Variants in ARHGEF17 observed in about 807,000 individuals in gnomAD.
ARHGEF17 encodes the protein 164 kDa Rho-specific guanine-nucleotide exchange factor.
Under a neutral mutation model 174.0 loss-of-function variants are expected in ARHGEF17, and 80 were observed. The ratio of observed to expected loss-of-function variants is 0.46; its 90% CI spans 0.38 to 0.55. The LOEUF is 0.55. ARHGEF17 is among the 20% of genes least tolerant of loss of function. The probability of loss-of-function intolerance (pLI) is 0.00; values close to 1 mark genes in which losing one functional copy is unlikely to be tolerated. For missense variants in ARHGEF17, 2,886 were observed against 2,839.7 expected, an observed-to-expected ratio of 1.02 and a Z score of -0.37; for synonymous variants, 1,311 against 1,189.1, an observed-to-expected ratio of 1.10 and a Z score of -2.11.
At chr11:73,332,220 G>T (rs888324731) in intron 1 of ARHGEF17, among the ~76,000 whole-genome samples, 6 of 152,222 alleles carry the variant, frequency 3.9e-5, no homozygotes, top group African/African-American at 1.4e-4. Flanking sequence ...CTGAGGCACA[G>T]ATGTGGTCTT....
intron 1 of ARHGEF17, among the ~76,000 whole-genome samples, chr11:73,326,248 G>A (rs145954154): frequency 6.4e-4 from 97 of 152,340 alleles, no homozygotes; most frequent in African/African-American, 2.3e-3. Flanking sequence ...GCCAGACCTT[G>A]ACAGGCAGAA....
Position 73,362,590 on chromosome 11 carries a change from G to A in ARHGEF17, c.4852G>A (p.Glu1618Lys). ...CATCTCCATTGCAGGCTCGGGCTTG[G>A]AGATGACGCCGGGCCTCGGCGAGGG... is the stretch of plus-strand genomic sequence containing the variant. ...LHISIAGSGL[E>K]MTPGLGEGDP... The change falls in exon 14 of 21, where the codon GAG (glutamate) becomes AAG (lysine). Residue 1618 changes from glutamate (E) to lysine (K), a missense_variant. This residue lies in a region of ARHGEF17 where 476 missense variants were observed against 473.1 expected (regional missense o/e 1.01). Coordinates refer to ENST00000263674, the MANE Select transcript of ARHGEF17 (RefSeq NM_014786.4). 1 of 1,610,596 alleles carries A rather than the reference G, an allele frequency of 6.2e-7. No individual in the cohort carries two copies. Among genetic ancestry groups the A allele is most frequent in the Non-Finnish European group, 8.5e-7 (1 of 1,179,902 alleles).
rs372172806 is a variant in ARHGEF17 at position 73,360,484 on chromosome 11, C to G, written c.4371C>G (p.Asp1457Glu). 1.2e-6 allele frequency: 2 copies of G among 1,614,054 alleles called. No individual in the cohort carries two copies. The highest frequency in any genetic ancestry group is 4.5e-5 in the East Asian group (2 of 44,884). The change falls in exon 11 of 21, where the codon GAC (aspartate) becomes GAG (glutamate). Residue 1457 changes from aspartate (D) to glutamate (E), a missense_variant. Transcript: ENST00000263674. Reference protein sequence around the residue: ...DSYIFEFPHPDARLGFEQAFD... With the variant: ...DSYIFEFPHPEARLGFEQAFD... ...ACATTTTTGAGTTCCCTCACCCTGA[C>G]GCCCGCCTTGGTTTTGAACAGGCCT...
chr11:73,347,087 C>T lies in ARHGEF17; in HGVS notation c.3270+127C>T, dbSNP rs1337811703. On this transcript the variant is annotated intron_variant, in intron 2 of 20. Transcript: ENST00000263674. ...AGAGAGCCGTGTCCCTGGCATCCGT[C>T]GCCTTTCCATGAAGAACCCCCAGCA... 6.3e-6 allele frequency: 6 copies of T among 949,734 alleles called. No homozygotes were observed. In the East Asian group the frequency reaches 7.9e-5, roughly 12 times the overall value. 58.8% of individuals were successfully genotyped at this position (949,734 alleles called of 1,614,324 possible).
intron 14 of ARHGEF17, 58 bp downstream of exon 14, chr11:73,362,792 G>A (rs1166653845): frequency 1.3e-6 from 2 of 1,556,652 alleles, no homozygotes; most frequent in African/African-American, 2.7e-5. Context: ...ACTGCCCAGA[G>A]GAGGGGGAGA....
intron 1 of ARHGEF17, among the ~76,000 whole-genome samples, chr11:73,334,827 G>A (rs935494903): frequency 1.3e-5 from 2 of 152,128 alleles, no homozygotes; most frequent in Non-Finnish European, 2.9e-5. Flanking sequence ...GATAACTTCC[G>A]TTCCCACGAT....
chr11:73,366,119 TTGTGTG>T (rs111678539), intron 20 of ARHGEF17, among the ~76,000 whole-genome samples, 172 bp downstream of exon 20: 11 of 150,194 alleles, frequency 7.3e-5, no homozygotes, highest in South Asian at 6.3e-4. Context: ...TCTAGGATAG[TTGTGTG>T]TGTGTGTGTG....
At chr11:73,358,094 G>A (rs771183339) in intron 9 of ARHGEF17, among the ~76,000 whole-genome samples, 4 of 152,260 alleles carry the variant, frequency 2.6e-5, no homozygotes, top group Non-Finnish European at 5.9e-5. Context: ...CCAGTCAGCT[G>A]TGAGCAAGAA....
chr11:73,348,482 G>T (rs1865501203), intron 2 of ARHGEF17, among the ~76,000 whole-genome samples: 1 of 152,182 alleles, frequency 6.6e-6, no homozygotes. Context: ...GATGAGCCTG[G>T]AGGACATGAT....
chr11:73,361,299 A>G, intron 12 of ARHGEF17, 138 bp downstream of exon 12: 2 of 757,254 alleles, frequency 2.6e-6, no homozygotes, highest in East Asian at 2.7e-5. Flanking sequence ...CTCTCTGTAC[A>G]TGTGTGTGGG....
intron 1 of ARHGEF17, among the ~76,000 whole-genome samples, chr11:73,325,058 G>A (rs1208825281): frequency 1.3e-5 from 2 of 152,120 alleles, no homozygotes; most frequent in African/African-American, 4.8e-5. Flanking sequence ...GGCAGGTGAA[G>A]GGGAGACAGG....
chr11:73,359,749 G>A (rs1421866620), intron 9 of ARHGEF17, 85 bp from the exon 10 acceptor site: 11 of 1,166,292 alleles, frequency 9.4e-6, no homozygotes, highest in Non-Finnish European at 1.3e-5. Context: ...CCAGCTGCAG[G>A]CTATGCAGTG....
At chr11:73,339,494 C>T (rs1248593935) in intron 1 of ARHGEF17, among the ~76,000 whole-genome samples, 1 of 152,212 alleles carries the variant, frequency 6.6e-6, no homozygotes, top group Non-Finnish European at 1.5e-5. Flanking sequence ...ATCCCTGTGT[C>T]TAGCCTTTCT....
At chr11:73,325,816 G>T (rs1865092704) in intron 1 of ARHGEF17, among the ~76,000 whole-genome samples, 2 of 152,256 alleles carry the variant, frequency 1.3e-5, no homozygotes, top group African/African-American at 4.8e-5. Context: ...GGGCTGGGCA[G>T]TGGATGCCAG....
At chr11:73,359,736 G>A (rs1301346165) in intron 9 of ARHGEF17, 98 bp from the exon 10 acceptor site, 18 of 1,057,050 alleles carry the variant, frequency 1.7e-5, no homozygotes, top group East Asian at 1.7e-4. Flanking sequence ...GTCTCTCCCC[G>A]GCCCAGCTGC....
At chr11:73,313,328 G>A (rs1864872274) in intron 1 of ARHGEF17, among the ~76,000 whole-genome samples, 1 of 152,178 alleles carries the variant, frequency 6.6e-6, no homozygotes, top group East Asian at 1.9e-4. Context: ...AGGGGAGGAA[G>A]ACAGCAGGTC....
At chr11:73,325,915 A>C (rs1292459386) in intron 1 of ARHGEF17, among the ~76,000 whole-genome samples, 2 of 152,244 alleles carry the variant, frequency 1.3e-5, no homozygotes, top group South Asian at 2.1e-4. Context: ...TTGACTGAGA[A>C]CCGGGGTGTT....
At chr11:73,329,379 T>TC (rs1865165392) in intron 1 of ARHGEF17, among the ~76,000 whole-genome samples, 1 of 102,482 alleles carries the variant, frequency 9.8e-6, no homozygotes, top group Non-Finnish European at 1.8e-5. Context: ...ATATATTTTT[T>TC]TTTTTTTTTT....
chr11:73,357,678 G>A (rs182200321), intron 9 of ARHGEF17, among the ~76,000 whole-genome samples: 6 of 152,338 alleles, frequency 3.9e-5, no homozygotes, highest in Non-Finnish European at 7.3e-5. Flanking sequence ...CTGGTTCAGC[G>A]GTTTCACACA....
Sources: allele counts gnomAD v4.1 joint callset (sites outside exome capture counted in the v4.1 genomes callset), GRCh38; gene constraint gnomAD v4.1.1; regional missense constraint gnomAD v4.1.1; transcripts MANE v1.5; gene names NCBI Gene and HGNC (gene_info 2026-07-23, HGNC 2026-07-21).